The following CCDC116 variants were observed in gnomAD, a reference collection of about 807,000 sequenced individuals.
The protein encoded by CCDC116 is coiled-coil domain containing 116.
Under a neutral mutation model 29.4 loss-of-function variants are expected in CCDC116, and 24 were observed. The observed-to-expected ratio is 0.82, with a 90% CI of 0.59 to 1.15. The LOEUF (loss-of-function observed/expected upper bound fraction) is 1.15. CCDC116 is among the 50% of genes most tolerant of loss of function. The pLI is 0.00. For missense variants in CCDC116, 791 were observed against 804.0 expected (o/e 0.98, Z 0.20); for synonymous variants, 298 against 331.4 (o/e 0.90, Z 1.10).
At chr22:21,635,311 C>T (rs1175974240) in intron 4 of CCDC116, 45 bp downstream of exon 4, 12 of 1,486,048 alleles carry the variant, frequency 8.1e-6, no homozygotes, top group Non-Finnish European at 1.1e-5. Flanking sequence ...CCTCACTCCA[C>T]TCCAGGGAGG....
rs148913293 is a variant in CCDC116 at position 21,634,471 on chromosome 22, G to A, written c.522G>A (p.Arg174=). 1.3e-3 allele frequency: 2,133 copies of A among 1,614,188 alleles called. 45 individuals carry two copies. The Admixed American group carries it at 0.034, about 25-fold the overall frequency. Residue 174 remains arginine (R), a synonymous_variant, in exon 3 of 5, where the codon CGG becomes CGA. Coordinates refer to ENST00000292779, the MANE Select transcript of CCDC116 (RefSeq NM_152612.3). ...CCGGCTGTCTGGGCTCCCACAGCCG[G>A]GACAGTGACCTAGGTGCCCAAGGCT... ...LMAGCLGSHS[R]DSDLGAQGSL...
At chr22:21,633,064 G>A (rs1412910266) in intron 1 of CCDC116, 56 bp from the exon 2 acceptor site, 1 of 811,836 alleles carries the variant, frequency 1.2e-6, no homozygotes, top group Non-Finnish European at 2.1e-6. Context: ...AGACTCCAGG[G>A]CCACAGATGC....
Position 21,636,647 on chromosome 22 carries a change from G to A in CCDC116, c.1419G>A (p.Arg473=), listed in dbSNP as rs527569793. 3 of 1,614,012 alleles carry A rather than the reference G, an allele frequency of 1.9e-6. No homozygotes were observed. Among genetic ancestry groups the A allele is most frequent in the African/African-American group, 2.7e-5 (2 of 75,004 alleles). The change falls in exon 5 of 5, where the codon AGG becomes AGA. Residue 473 remains arginine, a synonymous_variant. Coordinates refer to ENST00000292779, the MANE Select transcript of CCDC116 (RefSeq NM_152612.3). The part of the protein sequence containing the change: ...FFSFPITHVL[R]DLSLGLKKVK... The stretch of plus-strand genomic sequence containing the variant: ...CCTTCCCCATCACCCACGTGCTCAG[G>A]GACCTTTCCCTGGGCTTAAAGAAGG...
rs947084754 is a variant in CCDC116 at position 21,634,424 on chromosome 22, A to C, written c.475A>C (p.Asn159His). 28 of 1,614,192 alleles carry C rather than the reference A, an allele frequency of 1.7e-5. 1 individual carries two copies. The highest frequency in any genetic ancestry group is 1.6e-5 in the Non-Finnish European group (19 of 1,180,030). The change falls in exon 3 of 5, where the codon AAC becomes CAC. Residue 159 changes from asparagine to histidine, a missense_variant. Physicochemically the swap from Asn to His is moderately conservative, Grantham distance 68. Transcript: ENST00000292779. ...CCCATCCAGCTCCAGCTCCATGTCCAACTGCCATAGCAGCCTCATGGCCGG... is the reference window on the plus strand; with the variant it reads ...CCCATCCAGCTCCAGCTCCATGTCCCACTGCCATAGCAGCCTCATGGCCGG... The part of the protein sequence containing the change: ...NYPSSSSSMS[N>H]CHSSLMAGCL...
In CCDC116 at chr22:21,636,558, G is replaced by A. The variant is rs1322986187; in HGVS notation, c.1330G>A (p.Ala444Thr). 6.2e-7 allele frequency: 1 copy of A among 1,614,014 alleles called. No homozygotes were observed. Among genetic ancestry groups the A allele is most frequent in the African/African-American group, 1.3e-5 (1 of 74,918 alleles). Residue 444 changes from alanine to threonine, a missense_variant, in exon 5 of 5, where the codon GCC becomes ACC. By Grantham distance (58) the Ala-to-Thr change is moderately conservative. Transcript: ENST00000292779. The stretch of plus-strand genomic sequence containing the variant: ...CGCCGACTTCCTGACCCAGCAGGCA[G>A]CCTCCTTGGTCATCCGCAAGTACGA... ...ELADFLTQQA[A>T]SLVIRKYEFE...
rs567090339 is a variant in CCDC116 at position 21,634,940 on chromosome 22, C to T, written c.877C>T (p.Pro293Ser). 1.2e-6 allele frequency: 2 copies of T among 1,613,824 alleles called. No homozygotes were observed. The highest frequency in any genetic ancestry group is 1.7e-6 in the Non-Finnish European group (2 of 1,180,034). Residue 293 changes from proline to serine, a missense_variant, in exon 4 of 5, where the codon CCG (proline) becomes TCG (serine). Physicochemically the swap from Pro to Ser is moderately conservative, Grantham distance 74. Coordinates refer to ENST00000292779, the MANE Select transcript of CCDC116 (RefSeq NM_152612.3). Reference protein sequence around the residue: ...LESLDLPGYCPLREPHRTLNF... With the variant: ...LESLDLPGYCSLREPHRTLNF... The stretch of plus-strand genomic sequence containing the variant: ...GTCCCTCGACCTGCCTGGCTACTGT[C>T]CGCTCCGTGAGCCCCATCGCACGCT...
At chr22:21,636,298 G>A in intron 4 of CCDC116, 134 bp from the exon 5 acceptor site, 1 of 737,054 alleles carries the variant, frequency 1.4e-6, no homozygotes, top group Non-Finnish European at 2.2e-6. Flanking sequence ...TCACACTAAG[G>A]GTACCCATTC....
chr22:21,635,152 T>C lies in CCDC116; in HGVS notation c.1089T>C (p.Tyr363=), dbSNP rs1390590606. ...PAKPTNGGQP[Y]ASPRPTVSSP... is the part of the protein sequence containing the mutation. The stretch of plus-strand genomic sequence containing the variant: ...AACCCACCAATGGCGGGCAGCCCTA[T>C]GCTTCCCCCCGCCCCACAGTCTCCA... Residue 363 remains tyrosine (Y), a synonymous_variant, in exon 4 of 5, where the codon TAT becomes TAC. Coordinates refer to ENST00000292779, the MANE Select transcript of CCDC116 (RefSeq NM_152612.3). 6.2e-7 allele frequency: 1 copy of C among 1,602,520 alleles called. No homozygotes were observed. Among genetic ancestry groups the C allele is most frequent in the Admixed American group, 1.7e-5 (1 of 59,996 alleles).
chr22:21,635,041 C>T lies in CCDC116; in HGVS notation c.978C>T (p.Gly326=), dbSNP rs370595107. The change falls in exon 4 of 5, where the codon GGC becomes GGT. Residue 326 remains glycine, a synonymous_variant. Transcript: ENST00000292779. ...GCCAGGCTGTGGATAAGCTCCGTGG[C>T]GCCCACTGCCGCGACGGCCGTCCTC... ...VVSQAVDKLR[G]AHCRDGRPLF... 31 of 1,609,808 alleles carry T rather than the reference C, an allele frequency of 1.9e-5. No individual in the cohort carries two copies. Among genetic ancestry groups the T allele is most frequent in the Non-Finnish European group, 2.4e-5 (28 of 1,179,994 alleles).
At position 21,637,072 on chromosome 22, in the gene CCDC116, G is replaced by A. The variant is rs763434723; in HGVS notation, c.*2G>A. The A allele has an allele frequency of 5.6e-6, 9 of 1,600,424 alleles. No homozygotes were observed. The South Asian group carries it at 8.9e-5, about 16-fold the overall frequency. ...GACAAGGATGAGGATGGAGTCTAGAGCCTCCCAGAGCCTGGAGAGGAGGCC... is the reference window on the plus strand; with the variant it reads ...GACAAGGATGAGGATGGAGTCTAGAACCTCCCAGAGCCTGGAGAGGAGGCC... On this transcript the variant is annotated 3_prime_UTR_variant, in exon 5 of 5. Coordinates refer to ENST00000292779, the MANE Select transcript of CCDC116 (RefSeq NM_152612.3).
chr22:21,635,137 T>C lies in CCDC116; in HGVS notation c.1074T>C (p.Asn358=). 1.9e-6 allele frequency: 3 copies of C among 1,604,232 alleles called. No individual in the cohort carries two copies. Among genetic ancestry groups the C allele is most frequent in the Non-Finnish European group, 2.5e-6 (3 of 1,179,918 alleles). ...PLGSEPAKPT[N]GGQPYASPRP... ...GCTCTGAGCCAGCTAAACCCACCAA[T>C]GGCGGGCAGCCCTATGCTTCCCCCC... The change falls in exon 4 of 5, where the codon AAT becomes AAC. Residue 358 remains asparagine (N), a synonymous_variant. Coordinates refer to ENST00000292779, the MANE Select transcript of CCDC116 (RefSeq NM_152612.3).
rs374196676 is a variant in CCDC116, at chr22:21,634,836, C to T, written c.773C>T (p.Pro258Leu). ...SSSGVPEASE[P>L]RPGEQEPIFR... The stretch of plus-strand genomic sequence containing the variant: ...TCTGGCGTGCCTGAAGCATCAGAGC[C>T]GAGGCCTGGAGAACAGGAGCCAATC... Residue 258 changes from proline (P) to leucine (L), a missense_variant, in exon 4 of 5, where the codon CCG becomes CTG. By Grantham distance (98) the Pro-to-Leu change is moderately conservative. Coordinates refer to ENST00000292779, the MANE Select transcript of CCDC116 (RefSeq NM_152612.3). 3.7e-5 allele frequency: 60 copies of T among 1,613,872 alleles called. No individual in the cohort carries two copies. In the Middle Eastern group the frequency reaches 8.2e-4, roughly 22 times the overall value.
At chr22:21,632,883 G>T in intron 1 of CCDC116, 56 bp downstream of exon 1, 1 of 534,030 alleles carries the variant, frequency 1.9e-6, no homozygotes, top group Non-Finnish European at 3.5e-6. Flanking sequence ...GGTTTGGGAG[G>T]AGGGCGGGTC....
chr22:21,637,117 A>T lies in CCDC116; in HGVS notation c.*47A>T, dbSNP rs1225773650. 1 of 1,519,106 alleles carries T rather than the reference A, an allele frequency of 6.6e-7. No individual in the cohort carries two copies. Among genetic ancestry groups the T allele is most frequent in the Non-Finnish European group, 8.8e-7 (1 of 1,131,912 alleles). 94.1% of individuals were successfully genotyped at this position (1,519,106 alleles called of 1,614,324 possible). A position where few individuals can be genotyped will look rare whatever the true frequency, so the allele number is the denominator to read the frequency against. On this transcript the variant is annotated 3_prime_UTR_variant, in exon 5 of 5. Coordinates refer to ENST00000292779, the MANE Select transcript of CCDC116 (RefSeq NM_152612.3). Reference sequence around the variant, plus strand: ...GAGGCCTCGGTCAGCCACTCCGTGGACGTGGGCCACGGTGACCCACCATGA... The same window carrying T: ...GAGGCCTCGGTCAGCCACTCCGTGGTCGTGGGCCACGGTGACCCACCATGA...
intron 2 of CCDC116, among the ~76,000 whole-genome samples, chr22:21,633,599 C>G (rs1230445902): frequency 6.6e-6 from 1 of 152,146 alleles, no homozygotes; most frequent in Non-Finnish European, 1.5e-5. Flanking sequence ...GCACTCAAGA[C>G]CTCAGATGTT....
At chr22:21,633,284 G>GA in intron 2 of CCDC116, 31 bp downstream of exon 2, 1 of 1,516,440 alleles carries the variant, frequency 6.6e-7, no homozygotes, top group Non-Finnish European at 8.9e-7. Flanking sequence ...GCCGACCCTT[G>GA]AGGCCACAAC....
At chr22:21,635,290 T>C (rs770678458) in intron 4 of CCDC116, 24 bp downstream of exon 4, 39 of 1,570,942 alleles carry the variant, frequency 2.5e-5, no homozygotes, top group Non-Finnish European at 3.4e-5. Context: ...AGAAGCCCAA[T>C]GTCCCCAGCC....
intron 1 of CCDC116, 47 bp downstream of exon 1, chr22:21,632,874 G>T (rs1930605175): frequency 1.5e-5 from 8 of 520,236 alleles, no homozygotes; most frequent in Non-Finnish European, 2.5e-5. Flanking sequence ...GTTGCCCAGG[G>T]TTTGGGAGGA....
chr22:21,633,051 C>T (rs1416072126), intron 1 of CCDC116, 69 bp from the exon 2 acceptor site: 9 of 768,312 alleles, frequency 1.2e-5, no homozygotes, highest in East Asian at 5.3e-5. Flanking sequence ...GCGAGGGACC[C>T]GCAGACTCCA....
Sources: gnomAD v4.1 joint callset for allele counts (sites outside exome capture counted in the v4.1 genomes callset) on GRCh38, gnomAD v4.1.1 for gene constraint, MANE v1.5 for transcripts, NCBI Gene and HGNC (gene_info 2026-07-23, HGNC 2026-07-21) for gene names.